Variants in DCAF6 observed in about 807,000 individuals in gnomAD.
DCAF6 encodes the protein DDB1 and CUL4 associated factor 6.
In DCAF6, 54 loss-of-function variants were observed where a neutral mutation model predicts 125.1. The observed-to-expected ratio is 0.43, with a 90% CI of 0.35 to 0.54. The LOEUF (loss-of-function observed/expected upper bound fraction) is 0.54, where lower values mean the gene tolerates loss of function less well. DCAF6 is among the 20% of genes least tolerant of loss of function. The pLI is 0.01. For missense variants in DCAF6, 934 were observed against 1,161.7 expected, an observed-to-expected ratio of 0.80 and a Z score of 2.85; for synonymous variants, 371 against 390.4, an observed-to-expected ratio of 0.95 and a Z score of 0.58.
At chr1:168,067,405 G>A (rs899265348) in intron 20 of DCAF6, among the ~76,000 whole-genome samples, 31 of 152,188 alleles carry the variant, frequency 2.0e-4, no homozygotes, top group African/African-American at 6.8e-4. Context: ...GAAGCCCACA[G>A]AGAGGAACAG....
intron 17 of DCAF6, among the ~76,000 whole-genome samples, chr1:168,057,647 G>A (rs961371897): frequency 5.9e-5 from 9 of 152,052 alleles, no homozygotes; most frequent in African/African-American, 1.9e-4. Context: ...ATAACACAAC[G>A]CCTACCCTCC....
the DCAF6 span, among the ~76,000 whole-genome samples, chr1:167,864,211 T>C: frequency 6.6e-6 from 1 of 152,306 alleles, no homozygotes; most frequent in African/African-American, 2.4e-5. Context: ...TGTTTTGTGG[T>C]GTGCATGTGG....
chr1:168,035,564 C>G (rs1010409305), intron 12 of DCAF6, among the ~76,000 whole-genome samples: 10 of 152,168 alleles, frequency 6.6e-5, no homozygotes, highest in Non-Finnish European at 1.5e-4. Flanking sequence ...TAACTACACT[C>G]AGGGACCTGA....
the DCAF6 span, among the ~76,000 whole-genome samples, chr1:167,877,647 G>A: frequency 6.6e-6 from 1 of 152,124 alleles, no homozygotes; most frequent in African/African-American, 2.4e-5. Context: ...GAATAATTGT[G>A]ATATAGGGCA....
At chr1:168,000,395 A>C (rs1682428958) in intron 7 of DCAF6, among the ~76,000 whole-genome samples, 3 of 152,184 alleles carry the variant, frequency 2.0e-5, no homozygotes, top group Admixed American at 6.5e-5. Flanking sequence ...CAATAGTCTT[A>C]TTCAATGCAG....
chr1:167,946,311 A>G (rs1018847775), intron 1 of DCAF6, among the ~76,000 whole-genome samples: 9 of 152,302 alleles, frequency 5.9e-5, no homozygotes, highest in African/African-American at 1.9e-4. Flanking sequence ...AGATCATATC[A>G]TCAGGAAACA....
chr1:168,003,016 C>G (rs776507523), intron 8 of DCAF6, among the ~76,000 whole-genome samples: 27 of 152,070 alleles, frequency 1.8e-4, no homozygotes, highest in Non-Finnish European at 3.2e-4. Flanking sequence ...AGATAGCACA[C>G]TTGAAAATAG....
the DCAF6 span, among the ~76,000 whole-genome samples, chr1:167,928,782 A>T: frequency 0.99 from 150,166 of 152,324 alleles, 74,022 homozygotes; most frequent in East Asian, 1. Flanking sequence ...AATAAGCAGA[A>T]GTATAAACTA....
Position 168,063,698 on chromosome 1 carries a change from T to G in DCAF6, c.2378T>G (p.Leu793Trp), listed in dbSNP as rs1248951676. 3.7e-6 allele frequency: 6 copies of G among 1,605,448 alleles called. No homozygotes were observed. Among genetic ancestry groups the G allele is most frequent in the African/African-American group, 1.3e-5 (1 of 74,138 alleles). The change falls in exon 18 of 22, where the codon TTG (leucine) becomes TGG (tryptophan). Residue 793 changes from leucine to tryptophan, a missense_variant. Coordinates refer to ENST00000367840, the MANE Select transcript of DCAF6 (RefSeq NM_001198956.2). ...AAAGAAATGGAAGAATTGGATACTT[T>G]GAACATTAGAAGGCCGCTAGTAAAA... ...ERKEMEELDT[L>W]NIRRPLVKMV...
At chr1:167,965,702 C>T (rs1304575075) in intron 2 of DCAF6, among the ~76,000 whole-genome samples, 1 of 152,104 alleles carries the variant, frequency 6.6e-6, no homozygotes, top group African/African-American at 2.4e-5. Flanking sequence ...TCTTGGCTCA[C>T]TGAAACCTCC....
intron 12 of DCAF6, among the ~76,000 whole-genome samples, chr1:168,028,444 G>C (rs763088111): frequency 6.6e-6 from 1 of 152,182 alleles, no homozygotes; most frequent in Non-Finnish European, 1.5e-5. Flanking sequence ...TTAAGTGGAA[G>C]TTGACAGTGC....
At chr1:167,908,516 T>C in the DCAF6 span, among the ~76,000 whole-genome samples, 1 of 152,194 alleles carries the variant, frequency 6.6e-6, no homozygotes, top group African/African-American at 2.4e-5. Context: ...TAAAGTATTA[T>C]ATACTTCAAA....
the DCAF6 span, among the ~76,000 whole-genome samples, chr1:167,898,813 C>T: frequency 1.3e-5 from 2 of 152,088 alleles, no homozygotes; most frequent in Non-Finnish European, 2.9e-5. Context: ...CCGCGTAGTC[C>T]CATTCCTTTG....
the DCAF6 span, among the ~76,000 whole-genome samples, chr1:167,910,498 T>C: frequency 2.0e-5 from 3 of 152,090 alleles, no homozygotes; most frequent in African/African-American, 7.2e-5. Flanking sequence ...GGGACATGGG[T>C]GTGTATGCAA....
At chr1:168,031,101 G>A (rs1687025637) in intron 12 of DCAF6, among the ~76,000 whole-genome samples, 1 of 152,154 alleles carries the variant, frequency 6.6e-6, no homozygotes. Flanking sequence ...AGATATCAGA[G>A]CTCAAGAAAG....
At chr1:167,982,973 G>C (rs1679425497) in intron 4 of DCAF6, among the ~76,000 whole-genome samples, 1 of 152,098 alleles carries the variant, frequency 6.6e-6, no homozygotes, top group African/African-American at 2.4e-5. Flanking sequence ...GATGACTGTA[G>C]GTGTGTGGCT....
chr1:167,933,596 C>T (rs1176058284), upstream of DCAF6, among the ~76,000 whole-genome samples: 1 of 152,198 alleles, frequency 6.6e-6, no homozygotes, highest in Non-Finnish European at 1.5e-5. Flanking sequence ...TTAATAAACT[C>T]CTTGTAGGTG....
At chr1:167,948,011 G>T (rs1673331515) in intron 1 of DCAF6, among the ~76,000 whole-genome samples, 1 of 151,922 alleles carries the variant, frequency 6.6e-6, no homozygotes, top group Non-Finnish European at 1.5e-5. Flanking sequence ...TCTTTCTTTA[G>T]GTCTAGTAAT....
Position 168,045,116 on chromosome 1 carries a change from C to T in DCAF6, c.2147C>T (p.Ser716Leu). 1.9e-6 allele frequency: 3 copies of T among 1,614,002 alleles called. No individual in the cohort carries two copies. Among genetic ancestry groups the T allele is most frequent in the Non-Finnish European group, 2.5e-6 (3 of 1,179,956 alleles). Residue 716 changes from serine (S) to leucine (L), a missense_variant, in exon 16 of 22, where the codon TCA (serine) becomes TTA (leucine). Ser to Leu is a moderately radical substitution (Grantham distance 145). Transcript: ENST00000367840. ...PQFQTEATGP[S>L]AHEETSTRDS... ...TTCCAAACAGAAGCCACTGGGCCTT[C>T]AGCTCATGAAGAAACATCCACCAGG...
Sources: allele counts gnomAD v4.1 joint callset (sites outside exome capture counted in the v4.1 genomes callset), GRCh38; gene constraint gnomAD v4.1.1; transcripts MANE v1.5; gene names NCBI Gene and HGNC (gene_info 2026-07-23, HGNC 2026-07-21).